ANXA8: variants seen among roughly 807,000 people sequenced by gnomAD.
ANXA8 encodes annexin A8.
Under a neutral mutation model 26.8 loss-of-function variants are expected in ANXA8, and 9 were observed. The observed-to-expected ratio is 0.34, with a 90% CI of 0.20 to 0.59. The LOEUF (loss-of-function observed/expected upper bound fraction) is 0.59. Ranked by LOEUF, ANXA8 falls within the 20% of genes least tolerant of loss-of-function variation. The probability of loss-of-function intolerance (pLI) is 0.84; values close to 1 mark genes in which losing one functional copy is unlikely to be tolerated. For synonymous variants in ANXA8, 39 were observed against 94.8 expected, an observed-to-expected ratio of 0.41 and a Z score of 3.42; for missense variants, 83 against 238.5, an observed-to-expected ratio of 0.35 and a Z score of 4.29.
the ANXA8 span, among the ~76,000 whole-genome samples, chr10:47,736,574 A>T: frequency 6.7e-6 from 1 of 149,694 alleles, no homozygotes; most frequent in Admixed American, 6.8e-5. Context: ...ACTGAATGGC[A>T]TAAGTGAAAG....
the ANXA8 span, among the ~76,000 whole-genome samples, chr10:47,673,187 G>A: frequency 6.6e-6 from 1 of 151,702 alleles, no homozygotes; most frequent in Non-Finnish European, 1.5e-5. Flanking sequence ...ACCCACAGAT[G>A]TTCACTGAAT....
At chr10:47,950,418 C>T in the ANXA8 span, among the ~76,000 whole-genome samples, 13 of 152,168 alleles carry the variant, frequency 8.5e-5, no homozygotes, top group Non-Finnish European at 1.8e-4. Flanking sequence ...ATAGAACCTT[C>T]TACCTAAATA....
the ANXA8 span, among the ~76,000 whole-genome samples, chr10:47,682,820 G>GT: frequency 4.9e-4 from 75 of 152,194 alleles, no homozygotes; most frequent in Middle Eastern, 3.4e-3. Flanking sequence ...TTCACTTTCT[G>GT]TTTGAGTGCT....
chr10:47,748,038 G>T, the ANXA8 span, among the ~76,000 whole-genome samples: 1 of 152,218 alleles, frequency 6.6e-6, no homozygotes, highest in Admixed American at 6.5e-5. Flanking sequence ...CTTGTGGGAA[G>T]TGGTGAACAG....
At chr10:47,705,631 A>G in the ANXA8 span, among the ~76,000 whole-genome samples, 2 of 150,138 alleles carry the variant, frequency 1.3e-5, no homozygotes, top group Admixed American at 6.6e-5. Context: ...ATCTTGAACT[A>G]ATTAGATAAT....
chr10:47,563,704 G>C, the ANXA8 span: 1 of 798,124 alleles, frequency 1.3e-6, no homozygotes, highest in South Asian at 1.4e-5. Context: ...CGCTTTTCTT[G>C]CTACCTAATG....
At chr10:47,720,954 C>T in the ANXA8 span, among the ~76,000 whole-genome samples, 2 of 134,938 alleles carry the variant, frequency 1.5e-5, no homozygotes, top group Non-Finnish European at 3.2e-5. Context: ...CAAGACCAGC[C>T]TGGGAAACAT....
chr10:47,594,186 A>T, the ANXA8 span, among the ~76,000 whole-genome samples: 1 of 150,894 alleles, frequency 6.6e-6, no homozygotes, highest in African/African-American at 2.5e-5. Flanking sequence ...TGATCGTGTG[A>T]GTCAATGATC....
the ANXA8 span, among the ~76,000 whole-genome samples, chr10:47,664,524 C>T: frequency 7.3e-5 from 11 of 151,100 alleles, no homozygotes; most frequent in East Asian, 3.9e-4. Flanking sequence ...GCCGAGATCA[C>T]GCCACTGCAC....
At chr10:47,549,255 A>G in the ANXA8 span, 1 of 1,502,676 alleles carries the variant, frequency 6.7e-7, no homozygotes, top group Non-Finnish European at 9.1e-7. Flanking sequence ...ATAACCTACC[A>G]CAATGCTGTA....
At chr10:47,664,476 G>T in the ANXA8 span, among the ~76,000 whole-genome samples, 1 of 151,662 alleles carries the variant, frequency 6.6e-6, no homozygotes, top group Non-Finnish European at 1.5e-5. Context: ...GCTGAGGCAG[G>T]AGAATCGCTT....
the ANXA8 span, among the ~76,000 whole-genome samples, chr10:47,617,296 GGAGGCTTCATTAATAAAA>G: frequency 2.6e-5 from 4 of 151,048 alleles, no homozygotes; most frequent in African/African-American, 9.7e-5. Context: ...CATCATATTG[GGAGGCTTCATTAATAAAA>G]GTAACAAATT....
the ANXA8 span, among the ~76,000 whole-genome samples, chr10:47,614,751 C>T: frequency 2.1e-5 from 1 of 47,710 alleles, no homozygotes; most frequent in Non-Finnish European, 5.2e-5. Flanking sequence ...CTCTGCCTCC[C>T]GGGTTCAAGT....
At chr10:47,959,830 G>A in the ANXA8 span, among the ~76,000 whole-genome samples, 1 of 150,874 alleles carries the variant, frequency 6.6e-6, no homozygotes, top group Non-Finnish European at 1.5e-5. Context: ...GAGGCATATG[G>A]TGCTGTGCCC....
the ANXA8 span, among the ~76,000 whole-genome samples, chr10:47,900,951 T>C: frequency 6.8e-6 from 1 of 147,522 alleles, no homozygotes; most frequent in Admixed American, 6.7e-5. Flanking sequence ...TCAGACATAT[T>C]GAGAAAAGCC....
chr10:47,501,774 A>G, the ANXA8 span: 1 of 432,982 alleles, frequency 2.3e-6, no homozygotes, highest in Non-Finnish European at 4.0e-6. Flanking sequence ...ATGCACATTT[A>G]TGAAATTTTT....
the ANXA8 span, among the ~76,000 whole-genome samples, chr10:47,772,678 G>T: frequency 4.6e-5 from 7 of 151,758 alleles, no homozygotes; most frequent in Non-Finnish European, 1.0e-4. Flanking sequence ...TTTGAATCCA[G>T]TGTCGAATGA....
the ANXA8 span, among the ~76,000 whole-genome samples, chr10:47,982,264 T>C: frequency 1.3e-5 from 2 of 149,264 alleles, no homozygotes; most frequent in African/African-American, 4.9e-5. Context: ...CACTCCAGCC[T>C]GGGCAACAGA....
chr10:47,684,255 A>G, the ANXA8 span, among the ~76,000 whole-genome samples: 1 of 152,232 alleles, frequency 6.6e-6, no homozygotes, highest in Non-Finnish European at 1.5e-5. Flanking sequence ...TTTGGCTATC[A>G]TACATATTTT....
Sources: allele counts gnomAD v4.1 joint callset (sites outside exome capture counted in the v4.1 genomes callset), GRCh38; gene constraint gnomAD v4.1.1; transcripts MANE v1.5; gene names NCBI Gene and HGNC (gene_info 2026-07-23, HGNC 2026-07-21).